The following UTRN variants were observed in gnomAD, a reference collection of about 807,000 sequenced individuals.
UTRN encodes the protein dystrophin-related protein 1.
In UTRN, 283 loss-of-function variants were observed where a neutral mutation model predicts 463.9. The ratio of observed to expected loss-of-function variants is 0.61; its 90% CI spans 0.55 to 0.67. The LOEUF is 0.67. Ranked by LOEUF, UTRN falls within the 30% of genes least tolerant of loss-of-function variation. UTRN has a pLI of 0.00. For missense variants in UTRN, 3,922 were observed against 4,084.3 expected (o/e 0.96, Z 1.08); for synonymous variants, 1,442 against 1,431.5 (o/e 1.01, Z -0.17).
At chr6:144,850,100 A>G (rs1392223543) in intron 74 of UTRN, among the ~76,000 whole-genome samples, 1 of 152,176 alleles carries the variant, frequency 6.6e-6, no homozygotes, top group Non-Finnish European at 1.5e-5. Context: ...TAACATGGCA[A>G]TCAAATGTTC....
chr6:144,374,743 A>G (rs1040759150), intron 2 of UTRN, among the ~76,000 whole-genome samples: 5 of 151,518 alleles, frequency 3.3e-5, no homozygotes, highest in Non-Finnish European at 7.4e-5. Flanking sequence ...CTGCCTCCCA[A>G]AGTGCTGGGA....
chr6:144,739,558 T>C (rs1305421515), intron 54 of UTRN, among the ~76,000 whole-genome samples: 4 of 152,180 alleles, frequency 2.6e-5, no homozygotes, highest in Admixed American at 2.6e-4. Context: ...CCTCATTCAT[T>C]GTAAATGACA....
intron 39 of UTRN, 81 bp downstream of exon 39, chr6:144,517,029 G>C: frequency 1.6e-6 from 2 of 1,230,358 alleles, no homozygotes; most frequent in Non-Finnish European, 2.1e-6. Context: ...CTGCATCACA[G>C]ATGCTTTAAA....
chr6:144,704,092 A>G (rs1001854262), intron 53 of UTRN, among the ~76,000 whole-genome samples: 1 of 152,170 alleles, frequency 6.6e-6, no homozygotes, highest in Non-Finnish European at 1.5e-5. Flanking sequence ...TCTGACTCCA[A>G]ATATATTCAT....
intron 41 of UTRN, among the ~76,000 whole-genome samples, chr6:144,529,635 A>T (rs190342911): frequency 5.8e-4 from 89 of 152,270 alleles, no homozygotes; most frequent in Non-Finnish European, 8.8e-4. Context: ...ATATCACCTC[A>T]TAGTGCCTTT....
chr6:144,622,234 G>C (rs1775493637), intron 51 of UTRN, among the ~76,000 whole-genome samples: 1 of 129,426 alleles, frequency 7.7e-6, no homozygotes, highest in Non-Finnish European at 1.5e-5. Context: ...TGTCGTCCAG[G>C]CTGGAGTACA....
intron 3 of UTRN, among the ~76,000 whole-genome samples, chr6:144,405,179 ACT>A (rs1783277465): frequency 2.0e-5 from 3 of 152,156 alleles, no homozygotes; most frequent in Non-Finnish European, 4.4e-5. Context: ...ACGTGGGATG[ACT>A]CTGAAAACTT....
intron 65 of UTRN, among the ~76,000 whole-genome samples, chr6:144,820,388 G>A (rs1368031242): frequency 6.6e-6 from 1 of 152,058 alleles, no homozygotes; most frequent in Non-Finnish European, 1.5e-5. Flanking sequence ...CTTATTTATT[G>A]TCTTACCTTT....
chr6:144,713,912 C>A (rs1440657028), intron 53 of UTRN, among the ~76,000 whole-genome samples: 1 of 137,318 alleles, frequency 7.3e-6, no homozygotes, highest in Non-Finnish European at 1.5e-5. Flanking sequence ...AAGAGTGAAA[C>A]TCTGTCTCAA....
chr6:144,499,666 GAT>G (rs1341382086), intron 34 of UTRN, among the ~76,000 whole-genome samples: 2 of 152,022 alleles, frequency 1.3e-5, no homozygotes, highest in Non-Finnish European at 2.9e-5. Flanking sequence ...TTGTTACATG[GAT>G]ATATTGTGTA....
chr6:144,382,787 A>G (rs1287000996), intron 2 of UTRN, among the ~76,000 whole-genome samples: 1 of 152,206 alleles, frequency 6.6e-6, no homozygotes, highest in Non-Finnish European at 1.5e-5. Context: ...AAAGTGTTTA[A>G]TAAATGTCAG....
At chr6:144,669,175 A>T (rs530671925) in intron 51 of UTRN, among the ~76,000 whole-genome samples, 1 of 151,954 alleles carries the variant, frequency 6.6e-6, no homozygotes, top group East Asian at 1.9e-4. Flanking sequence ...TGACAATTTT[A>T]TAAGGGAAAA....
intron 41 of UTRN, among the ~76,000 whole-genome samples, chr6:144,525,466 T>A (rs1040222152): frequency 6.6e-6 from 1 of 152,176 alleles, no homozygotes; most frequent in African/African-American, 2.4e-5. Flanking sequence ...TTCTAGTTTA[T>A]GCATGTAAAA....
intron 2 of UTRN, among the ~76,000 whole-genome samples, chr6:144,378,231 A>G (rs1780624785): frequency 6.6e-6 from 1 of 151,704 alleles, no homozygotes. Context: ...TGTTCTTTCT[A>G]TTGAAATGGA....
At chr6:144,708,185 C>T (rs904563462) in intron 53 of UTRN, 6 of 554,280 alleles carry the variant, frequency 1.1e-5, no homozygotes, top group African/African-American at 1.9e-5. Flanking sequence ...TGGATAGTAG[C>T]CAGTTATTTT....
chr6:144,783,502 G>A (rs1007432598), intron 61 of UTRN, among the ~76,000 whole-genome samples: 7 of 152,080 alleles, frequency 4.6e-5, no homozygotes, highest in African/African-American at 1.7e-4. Flanking sequence ...TTCAATACAT[G>A]TATACAGTTT....
chr6:144,770,545 G>T (rs776441121), intron 58 of UTRN, among the ~76,000 whole-genome samples: 2 of 152,098 alleles, frequency 1.3e-5, no homozygotes, highest in Non-Finnish European at 2.9e-5. Context: ...AATCTACCCT[G>T]ACCTAGATAA....
chr6:144,738,341 G>T (rs1789671006), intron 54 of UTRN, among the ~76,000 whole-genome samples: 1 of 152,170 alleles, frequency 6.6e-6, no homozygotes, highest in African/African-American at 2.4e-5. Context: ...GCACAGTGAA[G>T]CTGTGCAAGA....
At chr6:144,304,360 A>G (rs1021254480) in intron 2 of UTRN, among the ~76,000 whole-genome samples, 2 of 152,142 alleles carry the variant, frequency 1.3e-5, no homozygotes, top group Middle Eastern at 3.2e-3. Context: ...CCTTGCCTCT[A>G]CAACATGTTA....
Sources: allele counts gnomAD v4.1 joint callset (sites outside exome capture counted in the v4.1 genomes callset), GRCh38; gene constraint gnomAD v4.1.1; transcripts MANE v1.5; gene names NCBI Gene and HGNC (gene_info 2026-07-23, HGNC 2026-07-21).